The following TNF variants were observed in gnomAD, a reference collection of about 807,000 sequenced individuals.
The protein encoded by TNF is APC1 protein.
Under a neutral mutation model 21.8 loss-of-function variants are expected in TNF, and 7 were observed. The observed-to-expected ratio is 0.32, with a 90% CI of 0.18 to 0.60. TNF has a LOEUF of 0.60. TNF is among the 20% of genes least tolerant of loss of function. The pLI is 0.84. For missense variants in TNF, 216 were observed against 296.6 expected (o/e 0.73, Z 2.00); for synonymous variants, 123 against 130.2 (o/e 0.94, Z 0.38).
At position 31,577,538 on chromosome 6, in the gene TNF, G is replaced by A; in HGVS notation, c.*1G>A. The A allele has an allele frequency of 6.2e-7, 1 of 1,613,074 alleles. No homozygotes were observed. The highest frequency in any genetic ancestry group is 1.1e-5 in the South Asian group (1 of 91,078). ...CTACTTTGGGATCATTGCCCTGTGA[G>A]GAGGACGAACATCCAACCTTCCCAA... is the stretch of plus-strand genomic sequence containing the variant. On this transcript the variant is annotated 3_prime_UTR_variant, in exon 4 of 4. Transcript: ENST00000449264. This position sits in a 1 kb window ranked among gnomAD's most constrained non-coding sequence, Gnocchi z 7.7.
Position 31,577,746 on chromosome 6 carries a change from C to T in TNF, c.*209C>T. ...GGCCTGCACAGTGAAGTGCTGGCAA[C>T]CACTAAGAATTCAAACTGGGGCCTC... On this transcript the variant is annotated 3_prime_UTR_variant, in exon 4 of 4. Transcript: ENST00000449264. The surrounding 1 kb of genome is among the most constrained non-coding windows in gnomAD (Gnocchi z 7.7). The T allele has an allele frequency of 1.5e-6, 1 of 660,632 alleles. No homozygotes were observed. The highest frequency in any genetic ancestry group is 1.8e-5 in the South Asian group (1 of 56,778). 40.9% of individuals were successfully genotyped at this position (660,632 alleles called of 1,614,324 possible).
Position 31,575,995 on chromosome 6 carries a change from G to A in TNF, c.186+68G>A. 10 of 1,403,148 alleles carry A rather than the reference G, an allele frequency of 7.1e-6. No homozygotes were observed. The highest frequency in any genetic ancestry group is 1.9e-6 in the Non-Finnish European group (2 of 1,066,226). The allele number at this position is 1,403,148 out of a possible 1,614,324, so 86.9% of individuals were successfully genotyped here. On this transcript the variant is annotated intron_variant, in intron 1 of 3. Transcript: ENST00000449264. This position sits in a 1 kb window ranked among gnomAD's most constrained non-coding sequence, Gnocchi z 6.2. The stretch of plus-strand genomic sequence containing the variant: ...GAAATGGAGACGCAAGAGAGGGAGA[G>A]AGATGGGATGGGTGAAAGATGTGCG...
rs377627218 is a variant in TNF at position 31,575,768 on chromosome 6, C to T, written c.27C>T (p.Asp9=). The change falls in exon 1 of 4, where the codon GAC becomes GAT. Residue 9 remains aspartate, a synonymous_variant. Transcript: ENST00000449264. The surrounding 1 kb of genome is among the most constrained non-coding windows in gnomAD (Gnocchi z 6.2). ...TGAGCACTGAAAGCATGATCCGGGA[C>T]GTGGAGCTGGCCGAGGAGGCGCTCC... The part of the protein sequence containing the change: MSTESMIR[D]VELAEEALPK... 26 of 1,602,364 alleles carry T rather than the reference C, an allele frequency of 1.6e-5. No individual in the cohort carries two copies. The highest frequency in any genetic ancestry group is 3.3e-5 in the South Asian group (3 of 89,620).
In TNF at chr6:31,576,575, A is replaced by T; in HGVS notation, c.228A>T (p.Ala76=). The change falls in exon 2 of 4, where the codon GCA becomes GCT. Residue 76 remains alanine, a synonymous_variant. Transcript: ENST00000449264. ...CTCTAATCAGCCCTCTGGCCCAGGC[A>T]GTCAGTAAGTGTCTCCAAACCTCTT... ...DLSLISPLAQ[A]VRSSSRTPSD... is the part of the protein sequence containing the mutation. 1 of 1,613,660 alleles carries T rather than the reference A, an allele frequency of 6.2e-7. No individual in the cohort carries two copies. Among genetic ancestry groups the T allele is most frequent in the Non-Finnish European group, 8.5e-7 (1 of 1,179,946 alleles).
chr6:31,576,761 C>T lies in TNF; in HGVS notation c.233-6C>T. The T allele has an allele frequency of 6.2e-7, 1 of 1,613,100 alleles. No homozygotes were observed. The highest frequency in any genetic ancestry group is 1.1e-5 in the South Asian group (1 of 91,084). ...CTCAGCTTTTTCTTTTCTCTCTCCTCTTCAGGATCATCTTCTCGAACCCCG... is the reference window on the plus strand; with the variant it reads ...CTCAGCTTTTTCTTTTCTCTCTCCTTTTCAGGATCATCTTCTCGAACCCCG... On this transcript the variant is annotated splice_polypyrimidine_tract_variant and splice_region_variant and intron_variant, in intron 2 of 3. Coordinates refer to ENST00000449264, the MANE Select transcript of TNF (RefSeq NM_000594.4).
At chr6:31,576,463 G>C (rs1023506640) in intron 1 of TNF, 71 bp from the exon 2 acceptor site, 1 of 1,523,370 alleles carries the variant, frequency 6.6e-7, no homozygotes, top group East Asian at 2.3e-5. Flanking sequence ...GCGCAGGCCA[G>C]ACAGGCAGCC....
chr6:31,577,157 C>A lies in TNF; in HGVS notation c.322C>A (p.Arg108=). 1 of 1,612,588 alleles carries A rather than the reference C, an allele frequency of 6.2e-7. No individual in the cohort carries two copies. The highest frequency in any genetic ancestry group is 8.5e-7 in the Non-Finnish European group (1 of 1,179,776). The change falls in exon 4 of 4, where the codon CGG becomes AGG. Residue 108 remains arginine, a synonymous_variant. Coordinates refer to ENST00000449264, the MANE Select transcript of TNF (RefSeq NM_000594.4). The surrounding 1 kb of genome is among the most constrained non-coding windows in gnomAD (Gnocchi z 7.7). Reference sequence around the variant, plus strand: ...GGGGCAGCTCCAGTGGCTGAACCGCCGGGCCAATGCCCTCCTGGCCAATGG... The same window carrying A: ...GGGGCAGCTCCAGTGGCTGAACCGCAGGGCCAATGCCCTCCTGGCCAATGG... ...AEGQLQWLNR[R]ANALLANGVE... is the part of the protein sequence containing the mutation.
At chr6:31,576,355 T>C (rs934192676) in intron 1 of TNF, among the ~76,000 whole-genome samples, 179 bp from the exon 2 acceptor site, 1 of 152,050 alleles carries the variant, frequency 6.6e-6, no homozygotes, top group Non-Finnish European at 1.5e-5. Flanking sequence ...ATAGGGTGTC[T>C]GGCACACAGA....
In TNF at chr6:31,577,901, T is replaced by G; in HGVS notation, c.*364T>G. 2.9e-6 allele frequency: 1 copy of G among 349,404 alleles called. No homozygotes were observed. Among genetic ancestry groups the G allele is most frequent in the Non-Finnish European group, 5.3e-6 (1 of 187,412 alleles). The allele number at this position is 349,404 out of a possible 1,614,324, so 21.6% of individuals were successfully genotyped here. A position where few individuals can be genotyped will look rare whatever the true frequency, so the allele number is the denominator to read the frequency against. On this transcript the variant is annotated 3_prime_UTR_variant, in exon 4 of 4. Coordinates refer to ENST00000449264, the MANE Select transcript of TNF (RefSeq NM_000594.4). This position sits in a 1 kb window ranked among gnomAD's most constrained non-coding sequence, Gnocchi z 7.7. ...CCTAGAAATTGACACAAGTGGACCTTAGGCCTTCCTCTCTCCAGATGTTTC... is the reference window on the plus strand; with the variant it reads ...CCTAGAAATTGACACAAGTGGACCTGAGGCCTTCCTCTCTCCAGATGTTTC...
intron 1 of TNF, 30 bp from the exon 2 acceptor site, chr6:31,576,504 G>A (rs746433040): frequency 2.4e-5 from 38 of 1,611,532 alleles, no homozygotes; most frequent in African/African-American, 1.2e-4. Flanking sequence ...TGACTCCCTC[G>A]ATGTTAACCA....
chr6:31,576,893 C>T, intron 3 of TNF, 79 bp downstream of exon 3: 4 of 1,547,340 alleles, frequency 2.6e-6, no homozygotes, highest in Non-Finnish European at 3.6e-6. Context: ...GTAGGCAGAA[C>T]TTGGAGACAA....
Position 31,575,618 on chromosome 6 carries a change from C to A in TNF, c.-124C>A. 1 of 874,284 alleles carries A rather than the reference C, an allele frequency of 1.1e-6. No homozygotes were observed. Among genetic ancestry groups the A allele is most frequent in the Non-Finnish European group, 1.7e-6 (1 of 580,546 alleles). 54.2% of individuals were successfully genotyped at this position (874,284 alleles called of 1,614,324 possible). Reference sequence around the variant, plus strand: ...GAGGACCAGCTAAGAGGGAGAGAAGCAACTACAGACCCCCCCTGAAAACAA... The same window carrying A: ...GAGGACCAGCTAAGAGGGAGAGAAGAAACTACAGACCCCCCCTGAAAACAA... On this transcript the variant is annotated 5_prime_UTR_variant, in exon 1 of 4. Coordinates refer to ENST00000449264, the MANE Select transcript of TNF (RefSeq NM_000594.4). The surrounding 1 kb of genome is among the most constrained non-coding windows in gnomAD (Gnocchi z 6.2).
rs1357373858 is a variant in TNF at position 31,577,085 on chromosome 6, G to A, written c.281-31G>A. 6.4e-7 allele frequency: 1 copy of A among 1,573,446 alleles called. No individual in the cohort carries two copies. Among genetic ancestry groups the A allele is most frequent in the Non-Finnish European group, 8.6e-7 (1 of 1,161,390 alleles). On this transcript the variant is annotated intron_variant, in intron 3 of 3. Transcript: ENST00000449264. This position sits in a 1 kb window ranked among gnomAD's most constrained non-coding sequence, Gnocchi z 7.7. ...GAGAGTGAACCGACATGGCCACACT[G>A]ACTCTCCTCTCCCTCTCTCCCTCCC...
At chr6:31,576,883 G>A (rs967910752) in intron 3 of TNF, 69 bp downstream of exon 3, 6 of 1,571,612 alleles carry the variant, frequency 3.8e-6, no homozygotes, top group Non-Finnish European at 5.3e-6. Flanking sequence ...CCGGCTGATG[G>A]TAGGCAGAAC....
rs1417263279 is a variant in TNF at position 31,575,783 on chromosome 6, G to A, written c.42G>A (p.Glu14=). The change falls in exon 1 of 4, where the codon GAG becomes GAA. Residue 14 remains glutamate (E), a synonymous_variant. Coordinates refer to ENST00000449264, the MANE Select transcript of TNF (RefSeq NM_000594.4). This position sits in a 1 kb window ranked among gnomAD's most constrained non-coding sequence, Gnocchi z 6.2. ...ESMIRDVELA[E]EALPKKTGGP... Reference sequence around the variant, plus strand: ...TGATCCGGGACGTGGAGCTGGCCGAGGAGGCGCTCCCCAAGAAGACAGGGG... The same window carrying A: ...TGATCCGGGACGTGGAGCTGGCCGAAGAGGCGCTCCCCAAGAAGACAGGGG... 2 of 1,607,854 alleles carry A rather than the reference G, an allele frequency of 1.2e-6. No homozygotes were observed. Among genetic ancestry groups the A allele is most frequent in the South Asian group, 1.1e-5 (1 of 90,420 alleles).
chr6:31,575,645 C>G lies in TNF; in HGVS notation c.-97C>G. On this transcript the variant is annotated 5_prime_UTR_variant, in exon 1 of 4. Coordinates refer to ENST00000449264, the MANE Select transcript of TNF (RefSeq NM_000594.4). The surrounding 1 kb of genome is among the most constrained non-coding windows in gnomAD (Gnocchi z 6.2). The stretch of plus-strand genomic sequence containing the variant: ...ACTACAGACCCCCCCTGAAAACAAC[C>G]CTCAGACGCCACATCCCCTGACAAG... 1 of 1,212,036 alleles carries G rather than the reference C, an allele frequency of 8.3e-7. No homozygotes were observed. The highest frequency in any genetic ancestry group is 1.1e-6 in the Non-Finnish European group (1 of 884,104). The allele number at this position is 1,212,036 out of a possible 1,614,324, so 75.1% of individuals were successfully genotyped here.
chr6:31,577,667 T>C lies in TNF; in HGVS notation c.*130T>C. On this transcript the variant is annotated 3_prime_UTR_variant, in exon 4 of 4. Transcript: ENST00000449264. This position sits in a 1 kb window ranked among gnomAD's most constrained non-coding sequence, Gnocchi z 7.7. ...GGGGCTTAGGGTCGGAACCCAAGCT[T>C]AGAACTTTAAGCAACAAGACCACCA... is the stretch of plus-strand genomic sequence containing the variant. The C allele has an allele frequency of 8.3e-7, 1 of 1,201,620 alleles. No homozygotes were observed. The allele number at this position is 1,201,620 out of a possible 1,614,324, so 74.4% of individuals were successfully genotyped here.
chr6:31,575,870 C>G lies in TNF; in HGVS notation c.129C>G (p.Gly43=), dbSNP rs369163834. ...LSLFSFLIVA[G]ATTLFCLLHF... ...TCTTCTCCTTCCTGATCGTGGCAGGCGCCACCACGCTCTTCTGCCTGCTGC... is the reference window on the plus strand; with the variant it reads ...TCTTCTCCTTCCTGATCGTGGCAGGGGCCACCACGCTCTTCTGCCTGCTGC... Residue 43 remains glycine, a synonymous_variant, in exon 1 of 4, where the codon GGC becomes GGG. Transcript: ENST00000449264. The surrounding 1 kb of genome is among the most constrained non-coding windows in gnomAD (Gnocchi z 6.2). The G allele has an allele frequency of 6.2e-7, 1 of 1,609,834 alleles. No homozygotes were observed.
At position 31,575,570 on chromosome 6, in the gene TNF, A is replaced by T. The variant is rs1187389120; in HGVS notation, c.-172A>T. ...AGTTGTTGGCACACCCAGCCAGCAGACGCTCCCTCAGCAAGGACAGCAGAG... is the reference window on the plus strand; with the variant it reads ...AGTTGTTGGCACACCCAGCCAGCAGTCGCTCCCTCAGCAAGGACAGCAGAG... On this transcript the variant is annotated 5_prime_UTR_variant, in exon 1 of 4. Transcript: ENST00000449264. This position sits in a 1 kb window ranked among gnomAD's most constrained non-coding sequence, Gnocchi z 6.2. 1 of 613,304 alleles carries T rather than the reference A, an allele frequency of 1.6e-6. No individual in the cohort carries two copies. The highest frequency in any genetic ancestry group is 2.8e-6 in the Non-Finnish European group (1 of 356,678). The allele number at this position is 613,304 out of a possible 1,614,324, so 38.0% of individuals were successfully genotyped here.
Sources: allele counts gnomAD v4.1 joint callset (sites outside exome capture counted in the v4.1 genomes callset), GRCh38; gene constraint gnomAD v4.1.1; non-coding constraint Gnocchi (gnomAD v3.1); transcripts MANE v1.5; gene names NCBI Gene and HGNC (gene_info 2026-07-23, HGNC 2026-07-21).